Variants in MCTP1 observed in about 807,000 individuals in gnomAD.
The protein encoded by MCTP1 is multiple C2 and transmembrane domain-containing protein 1.
MCTP1 carries 69 observed loss-of-function variants against 120.6 expected under a neutral mutation model. The observed-to-expected ratio is 0.57, with a 90% CI of 0.47 to 0.70. The LOEUF is 0.70. MCTP1 is among the 30% of genes least tolerant of loss of function. The pLI, the probability that MCTP1 is intolerant of heterozygous loss-of-function variation, is 0.00. For missense variants in MCTP1, 1,203 were observed against 1,248.8 expected, an observed-to-expected ratio of 0.96 and a Z score of 0.55; for synonymous variants, 529 against 493.1, an observed-to-expected ratio of 1.07 and a Z score of -0.96.
intron 6 of MCTP1, among the ~76,000 whole-genome samples, chr5:94,926,277 A>G (rs1468513368): frequency 6.6e-6 from 1 of 152,210 alleles, no homozygotes; most frequent in African/African-American, 2.4e-5. Flanking sequence ...GAAGCCTGAT[A>G]TTCAAATCTA....
At chr5:95,015,743 C>T (rs1353002744) in intron 2 of MCTP1, among the ~76,000 whole-genome samples, 1 of 152,004 alleles carries the variant, frequency 6.6e-6, no homozygotes, top group Non-Finnish European at 1.5e-5. Context: ...TAGTATTCCG[C>T]CATGTAGATA....
intron 17 of MCTP1, chr5:94,826,785 TTTTTTTTTTTTTTTTTTTTTTG>T (rs1787197843): frequency 3.5e-6 from 1 of 289,176 alleles, no homozygotes; most frequent in Non-Finnish European, 6.1e-6. Flanking sequence ...TTTTTTTTTT[TTTTTTTTTTTTTTTTTTTTTTG>T]CTTTTCATTT....
At chr5:94,710,976 T>C in intron 20 of MCTP1, 49 bp from the exon 21 acceptor site, 2 of 1,266,844 alleles carry the variant, frequency 1.6e-6, no homozygotes, top group Non-Finnish European at 2.3e-6. Context: ...CATACTTTTT[T>C]CAAATATTAA....
chr5:94,804,485 T>C (rs1781867350), intron 17 of MCTP1, among the ~76,000 whole-genome samples: 1 of 152,064 alleles, frequency 6.6e-6, no homozygotes, highest in Admixed American at 6.6e-5. Flanking sequence ...GTTGCCCAGG[T>C]TGGGGTGCAG....
Position 94,847,646 on chromosome 5 carries a change from C to CTGTG in MCTP1, c.2436+20683_2436+20686dup, listed in dbSNP as rs70978134. On this transcript the variant is annotated intron_variant, in intron 17 of 22. Transcript: ENST00000515393. ...ACTGATCATATTAAGAAGCAGCAAT[C>CTGTG]TGTGTGTGTGTGTGTGTGTGTGTGT... Among the ~76,000 whole-genome samples, 604 of 115,690 alleles carry CTGTG rather than the reference C, an allele frequency of 5.2e-3. 10 individuals are homozygous for CTGTG. Among genetic ancestry groups the CTGTG allele is most frequent in the African/African-American group, 0.017 (508 of 30,064 alleles). The allele number at this position is 115,690 out of a possible 152,430, so 75.9% of individuals were successfully genotyped here.
chr5:94,707,640 T>C, intron 22 of MCTP1, 73 bp from the exon 23 acceptor site: 2 of 1,118,418 alleles, frequency 1.8e-6, no homozygotes, highest in South Asian at 2.5e-5. Flanking sequence ...AGCAAAGGAA[T>C]GAGAGACGGT....
In MCTP1 at chr5:95,284,231, G is replaced by C. The variant is rs747837958; in HGVS notation, c.345C>G (p.Ala115=). ...EPLEPGGAGR[A]EQGSTLRRRI... is the part of the protein sequence containing the mutation. ...GGCGGCGTAGCGTGGACCCCTGCTC[G>C]GCTCTGCCGGCGCCGCCGGGCTCCA... Residue 115 remains alanine, a synonymous_variant, in exon 1 of 23, where the codon GCC becomes GCG. Coordinates refer to ENST00000515393, the MANE Select transcript of MCTP1 (RefSeq NM_024717.7). The surrounding 1 kb of genome is among the most constrained non-coding windows in gnomAD (Gnocchi z 5.2). 3 of 1,582,572 alleles carry C rather than the reference G, an allele frequency of 1.9e-6. No homozygotes were observed. The highest frequency in any genetic ancestry group is 1.1e-5 in the South Asian group (1 of 88,172).
chr5:94,722,305 G>C (rs1187919385), intron 19 of MCTP1, among the ~76,000 whole-genome samples: 1 of 152,134 alleles, frequency 6.6e-6, no homozygotes, highest in Admixed American at 6.5e-5. Flanking sequence ...ACATCGGGGT[G>C]AATATTCTGG....
intron 7 of MCTP1, among the ~76,000 whole-genome samples, chr5:94,919,691 GT>G (rs1188392145): frequency 6.6e-6 from 1 of 152,176 alleles, no homozygotes; most frequent in African/African-American, 2.4e-5. Context: ...TAGAATGACT[GT>G]TTTGTGCTGC....
intron 1 of MCTP1, among the ~76,000 whole-genome samples, chr5:95,239,517 G>A (rs1171173138): frequency 6.6e-6 from 1 of 152,130 alleles, no homozygotes; most frequent in East Asian, 1.9e-4. Flanking sequence ...TAAGACTTGT[G>A]AAAATCAAAC....
intron 1 of MCTP1, among the ~76,000 whole-genome samples, chr5:95,141,924 T>C (rs963550193): frequency 4.6e-5 from 7 of 152,198 alleles, no homozygotes; most frequent in African/African-American, 1.4e-4. Flanking sequence ...TGAATAAGTA[T>C]AATAAGCCTT....
intron 1 of MCTP1, among the ~76,000 whole-genome samples, chr5:95,259,715 T>A (rs972996494): frequency 6.6e-6 from 1 of 152,134 alleles, no homozygotes; most frequent in Admixed American, 6.6e-5. Flanking sequence ...CCATTCACCA[T>A]CCAGGATAAT....
At chr5:95,217,785 T>G (rs774783265) in intron 1 of MCTP1, among the ~76,000 whole-genome samples, 1 of 152,200 alleles carries the variant, frequency 6.6e-6, no homozygotes, top group Admixed American at 6.5e-5. Context: ...ATTTAAGGGA[T>G]TCTACCAGGC....
intron 1 of MCTP1, among the ~76,000 whole-genome samples, chr5:95,264,127 C>A (rs992643569): frequency 1.3e-5 from 2 of 152,048 alleles, no homozygotes; most frequent in African/African-American, 4.8e-5. Context: ...ATATTCTAGG[C>A]TCTGAAAGGA....
chr5:94,779,043 T>G, intron 19 of MCTP1, 67 bp downstream of exon 19: 1 of 1,397,468 alleles, frequency 7.2e-7, no homozygotes, highest in Non-Finnish European at 1.0e-6. Flanking sequence ...TTTAACTGTC[T>G]GTGAAAACAG....
intron 1 of MCTP1, among the ~76,000 whole-genome samples, chr5:95,045,720 T>C (rs115559834): frequency 0.013 from 1,946 of 152,272 alleles, 15 homozygotes; most frequent in Middle Eastern, 0.031. Flanking sequence ...GTACTTAGTA[T>C]GCAAACATAT....
In MCTP1 at chr5:94,872,855, G is replaced by A. The variant is rs547447080; in HGVS notation, c.2036+284C>T. On this transcript the variant is annotated intron_variant, in intron 13 of 22. Coordinates refer to ENST00000515393, the MANE Select transcript of MCTP1 (RefSeq NM_024717.7). Reference sequence around the variant, plus strand: ...AATAGAAAGTATAAAAGGAAGAAGCGGTATGGTGATTCAGTTAATGGAAGC... The same window carrying A: ...AATAGAAAGTATAAAAGGAAGAAGCAGTATGGTGATTCAGTTAATGGAAGC... 5.3e-5 allele frequency among the ~76,000 whole-genome samples: 8 copies of A among 152,076 alleles called. No individual in the cohort carries two copies. The South Asian group carries it at 1.2e-3, about 24-fold the overall frequency.
Position 94,894,797 on chromosome 5 carries a change from G to A in MCTP1, c.1691C>T (p.Thr564Met), listed in dbSNP as rs766201019. 18 of 1,610,084 alleles carry A rather than the reference G, an allele frequency of 1.1e-5. No homozygotes were observed. Among genetic ancestry groups the A allele is most frequent in the Admixed American group, 3.3e-5 (2 of 59,866 alleles). ...VDLSALSREQTHKLELQLEEG... is the reference protein window; with the variant it reads ...VDLSALSREQMHKLELQLEEG... ...TTCCAGCTGCAACTCCAGCTTGTGC[G>A]TCTGTTCCCTACTGAGGGCTGACAG... Residue 564 changes from threonine to methionine, a missense_variant, in exon 11 of 23, where the codon ACG (threonine) becomes ATG (methionine). Coordinates refer to ENST00000515393, the MANE Select transcript of MCTP1 (RefSeq NM_024717.7).
intron 2 of MCTP1, among the ~76,000 whole-genome samples, chr5:94,982,957 CAG>C (rs70978153): frequency 0.34 from 48,722 of 142,966 alleles, 9,207 homozygotes; most frequent in Middle Eastern, 0.49. Context: ...TCTTTAAGAG[CAG>C]AGAGTTTTCT....
Sources: allele counts gnomAD v4.1 joint callset (sites outside exome capture counted in the v4.1 genomes callset), GRCh38; gene constraint gnomAD v4.1.1; non-coding constraint Gnocchi (gnomAD v3.1); transcripts MANE v1.5; gene names NCBI Gene and HGNC (gene_info 2026-07-23, HGNC 2026-07-21).